DLGAP2: variants seen among roughly 807,000 people sequenced by gnomAD.
DLGAP2 encodes disks large-associated protein 2.
In DLGAP2, 26 loss-of-function variants were observed where a neutral mutation model predicts 100.3. That is an observed-to-expected ratio of 0.26 (90% CI 0.19 to 0.36). The LOEUF is 0.36. DLGAP2 is among the 10% of genes least tolerant of loss of function. The pLI is 1.00. For synonymous variants in DLGAP2, 886 were observed against 630.1 expected (o/e 1.41, Z -6.08); for missense variants, 1,858 against 1,453.2 (o/e 1.28, Z -4.53).
intron 1 of DLGAP2, among the ~76,000 whole-genome samples, chr8:865,373 GT>G (rs1797474538): frequency 6.6e-6 from 1 of 152,218 alleles, no homozygotes; most frequent in South Asian, 2.1e-4. Context: ...GAGAAGATGG[GT>G]TTTAAGATTG....
Position 1,481,471 on chromosome 8 carries a change from CTTTTTTT to C in DLGAP2, c.107-19877_107-19871del, listed in dbSNP as rs1165790168. Among the ~76,000 whole-genome samples, 81 of 43,708 alleles carry C rather than the reference CTTTTTTT, an allele frequency of 1.9e-3. 1 individual carries two copies. In the East Asian group the frequency reaches 0.043, roughly 23 times the overall value. 28.7% of individuals were successfully genotyped at this position (43,708 alleles called of 152,430 possible). ...GGATTTTCTTTTTCTTTTTCTTTTT[CTTTTTTT>C]TTTTTTTTTTTTTTTTTGAGATGGA... On this transcript the variant is annotated intron_variant, in intron 3 of 14. Transcript: ENST00000637795.
chr8:1,451,295 G>T (rs997765579), intron 3 of DLGAP2, among the ~76,000 whole-genome samples: 2 of 152,096 alleles, frequency 1.3e-5, no homozygotes, highest in East Asian at 3.9e-4. Flanking sequence ...TGACTCCCCA[G>T]ACTCAGTCCC....
chr8:1,408,830 C>A (rs1285033082), intron 3 of DLGAP2, among the ~76,000 whole-genome samples: 2 of 152,052 alleles, frequency 1.3e-5, no homozygotes, highest in Non-Finnish European at 2.9e-5. Flanking sequence ...GAAGACTTGA[C>A]TGTCATTTAA....
chr8:1,279,698 C>T lies in DLGAP2; in HGVS notation c.106+20815C>T, dbSNP rs568248001. ...CTGAGTTGGTGCTGGCTTCCAAGCTCGCCCAGCCAGCTGGTAAGATTTATT... is the reference window on the plus strand; with the variant it reads ...CTGAGTTGGTGCTGGCTTCCAAGCTTGCCCAGCCAGCTGGTAAGATTTATT... On this transcript the variant is annotated intron_variant, in intron 3 of 14. Coordinates refer to ENST00000637795, the MANE Select transcript of DLGAP2 (RefSeq NM_001346810.2). Among the ~76,000 whole-genome samples the T allele has an allele frequency of 2.6e-5, 4 of 152,284 alleles. No homozygotes were observed. The East Asian group carries it at 7.7e-4, about 29-fold the overall frequency.
intron 8 of DLGAP2, among the ~76,000 whole-genome samples, chr8:1,667,517 T>C (rs566679839): frequency 3.9e-5 from 6 of 152,316 alleles, no homozygotes; most frequent in East Asian, 3.9e-4. Context: ...CCTGTACTTA[T>C]AGGGAAGCAA....
chr8:1,635,351 T>C (rs947431679), intron 8 of DLGAP2, among the ~76,000 whole-genome samples: 1 of 152,206 alleles, frequency 6.6e-6, no homozygotes, highest in African/African-American at 2.4e-5. Flanking sequence ...GAACTTCAAA[T>C]TTCATCCAAA....
chr8:745,501 T>A (rs1400755836), intron 1 of DLGAP2, among the ~76,000 whole-genome samples: 1 of 152,252 alleles, frequency 6.6e-6, no homozygotes, highest in Non-Finnish European at 1.5e-5. Context: ...GCTTCTCTAA[T>A]GATATTTTCT....
At chr8:1,138,962 A>G (rs141912563) in intron 2 of DLGAP2, among the ~76,000 whole-genome samples, 1 of 151,446 alleles carries the variant, frequency 6.6e-6, no homozygotes, top group African/African-American at 2.4e-5. Context: ...CTTCCTGTTT[A>G]TTTACTGGTT....
At chr8:1,551,499 C>G (rs1801765230) in intron 5 of DLGAP2, among the ~76,000 whole-genome samples, 1 of 152,156 alleles carries the variant, frequency 6.6e-6, no homozygotes. Flanking sequence ...GCCCCTTGGA[C>G]CTGCCTTCTC....
intron 1 of DLGAP2, among the ~76,000 whole-genome samples, chr8:862,363 CA>C (rs1415257288): frequency 1.3e-5 from 2 of 150,656 alleles, no homozygotes; most frequent in African/African-American, 2.4e-5. Context: ...AGTGCAGTGG[CA>C]TAATCTCAGC....
At chr8:1,680,707 G>A (rs1798924083) in intron 12 of DLGAP2, 1 of 152,224 alleles carries the variant, frequency 6.6e-6, no homozygotes, top group African/African-American at 2.4e-5. Flanking sequence ...ATTTAACAGA[G>A]TAACTTCACA....
chr8:1,103,788 C>A (rs545100876), intron 2 of DLGAP2, among the ~76,000 whole-genome samples: 1 of 150,552 alleles, frequency 6.6e-6, no homozygotes, highest in Non-Finnish European at 1.5e-5. Context: ...TGATGACTGG[C>A]GGGGCCTTGG....
intron 1 of DLGAP2, among the ~76,000 whole-genome samples, chr8:845,577 C>G (rs1014557393): frequency 6.6e-6 from 1 of 152,132 alleles, no homozygotes; most frequent in Admixed American, 6.6e-5. Context: ...GACGTATGAC[C>G]TGCAAATAAT....
At chr8:1,603,883 G>C (rs1023887504) in intron 6 of DLGAP2, among the ~76,000 whole-genome samples, 1 of 152,220 alleles carries the variant, frequency 6.6e-6, no homozygotes, top group Non-Finnish European at 1.5e-5. Context: ...TTAATATTTG[G>C]TGAGATTCCA....
intron 1 of DLGAP2, among the ~76,000 whole-genome samples, chr8:865,668 G>A (rs1459397915): frequency 6.6e-6 from 1 of 152,172 alleles, no homozygotes; most frequent in African/African-American, 2.4e-5. Flanking sequence ...CGGTTTTAAG[G>A]TTGTGGGAAT....
chr8:1,076,838 GA>G (rs1366709947), intron 2 of DLGAP2, among the ~76,000 whole-genome samples: 2 of 149,962 alleles, frequency 1.3e-5, no homozygotes, highest in African/African-American at 4.9e-5. Flanking sequence ...CCAAGACCAA[GA>G]GGGGGAGGAG....
chr8:1,543,781 C>G (rs1195519853), intron 4 of DLGAP2, among the ~76,000 whole-genome samples: 1 of 152,334 alleles, frequency 6.6e-6, no homozygotes, highest in Admixed American at 6.5e-5. Flanking sequence ...CCTACCTCAT[C>G]TTAACCATTA....
intron 3 of DLGAP2, among the ~76,000 whole-genome samples, chr8:1,261,500 TC>T (rs1343991794): frequency 8.7e-6 from 1 of 115,602 alleles, no homozygotes; most frequent in African/African-American, 3.3e-5. Context: ...ATAAGAAGAC[TC>T]CCCCTGTCCG....
intron 4 of DLGAP2, among the ~76,000 whole-genome samples, chr8:1,516,090 T>A (rs1169002302): frequency 6.6e-6 from 1 of 150,556 alleles, no homozygotes; most frequent in Non-Finnish European, 1.5e-5. Context: ...AATGAGTGCA[T>A]GAATGAGTGA....
Sources: gnomAD v4.1 joint callset for allele counts (sites outside exome capture counted in the v4.1 genomes callset) on GRCh38, gnomAD v4.1.1 for gene constraint, MANE v1.5 for transcripts, NCBI Gene and HGNC (gene_info 2026-07-23, HGNC 2026-07-21) for gene names.